CLPB: variants seen among roughly 807,000 people sequenced by gnomAD.
CLPB encodes the protein mitochondrial disaggregase.
In CLPB, 40 loss-of-function variants were observed where a neutral mutation model predicts 78.4. The observed-to-expected ratio is 0.51, with a 90% CI of 0.40 to 0.66. CLPB has a LOEUF of 0.66. Among genes scored for constraint, CLPB ranks in the 30% least tolerant of loss-of-function variants. The pLI, the probability that CLPB is intolerant of heterozygous loss-of-function variation, is 0.00. For synonymous variants in CLPB, 333 were observed against 348.0 expected, an observed-to-expected ratio of 0.96 and a Z score of 0.48; for missense variants, 780 against 886.9, an observed-to-expected ratio of 0.88 and a Z score of 1.53.
At chr11:72,350,291 G>A (rs1950591682) in intron 5 of CLPB, among the ~76,000 whole-genome samples, 1 of 152,048 alleles carries the variant, frequency 6.6e-6, no homozygotes, top group South Asian at 2.1e-4. Context: ...GATCCCTTTG[G>A]ATGACTAATG....
intron 2 of CLPB, among the ~76,000 whole-genome samples, chr11:72,425,816 T>A (rs1292069037): frequency 6.6e-6 from 1 of 152,188 alleles, no homozygotes; most frequent in Non-Finnish European, 1.5e-5. Flanking sequence ...CTTCCCCTTC[T>A]ATTTACAAAG....
At chr11:72,338,380 T>G (rs756691171) in intron 5 of CLPB, among the ~76,000 whole-genome samples, 8 of 152,064 alleles carry the variant, frequency 5.3e-5, no homozygotes, top group Non-Finnish European at 7.4e-5. Flanking sequence ...AAATTAGAGC[T>G]CAAGGTCACA....
chr11:72,391,630 A>G (rs1855256900), intron 3 of CLPB, among the ~76,000 whole-genome samples: 1 of 152,236 alleles, frequency 6.6e-6, no homozygotes, highest in Non-Finnish European at 1.5e-5. Context: ...TGCCCTGCTC[A>G]GCCTTCTCCC....
At chr11:72,326,214 T>C (rs1950131328) in intron 6 of CLPB, among the ~76,000 whole-genome samples, 1 of 152,164 alleles carries the variant, frequency 6.6e-6, no homozygotes, top group Non-Finnish European at 1.5e-5. Flanking sequence ...AAAATATTAA[T>C]AGTGGTTATG....
intron 6 of CLPB, among the ~76,000 whole-genome samples, chr11:72,319,714 T>C (rs1950010274): frequency 6.6e-6 from 1 of 152,190 alleles, no homozygotes; most frequent in Non-Finnish European, 1.5e-5. Context: ...AGATAATGCA[T>C]TAATATATAA....
intron 2 of CLPB, among the ~76,000 whole-genome samples, chr11:72,428,317 C>T: frequency 6.6e-6 from 1 of 152,200 alleles, no homozygotes; most frequent in East Asian, 1.9e-4. Context: ...ATCCTTCACT[C>T]CTCTGCAAGT....
chr11:72,328,268 A>G (rs1364195257), intron 6 of CLPB, among the ~76,000 whole-genome samples: 3 of 152,278 alleles, frequency 2.0e-5, no homozygotes, highest in African/African-American at 7.2e-5. Context: ...GGATGAACAG[A>G]GTCTGCCCCT....
At chr11:72,343,240 A>C (rs1393172477) in intron 5 of CLPB, among the ~76,000 whole-genome samples, 1 of 152,228 alleles carries the variant, frequency 6.6e-6, no homozygotes, top group African/African-American at 2.4e-5. Flanking sequence ...CAAGGAAGAT[A>C]GGAAGCCTTA....
chr11:72,347,690 C>T (rs2135583304), intron 5 of CLPB, among the ~76,000 whole-genome samples: 1 of 152,140 alleles, frequency 6.6e-6, no homozygotes, highest in South Asian at 2.1e-4. Context: ...GAATAACCCC[C>T]CACCCTCACC....
chr11:72,382,375 G>A (rs566238128), intron 3 of CLPB, among the ~76,000 whole-genome samples: 5 of 152,294 alleles, frequency 3.3e-5, no homozygotes, highest in South Asian at 2.1e-4. Flanking sequence ...CTCCAGGCCC[G>A]TCCACCTGGA....
chr11:72,420,907 C>T (rs188045854), intron 2 of CLPB, among the ~76,000 whole-genome samples: 2 of 152,340 alleles, frequency 1.3e-5, no homozygotes, highest in African/African-American at 4.8e-5. Flanking sequence ...CGCCTGTAAT[C>T]CCAGCACTTT....
In CLPB at chr11:72,353,216, T is replaced by C. The variant is rs139190294; in HGVS notation, c.775+5664A>G. On this transcript the variant is annotated intron_variant, in intron 5 of 15. Coordinates refer to ENST00000538039, the MANE Select transcript of CLPB (RefSeq NM_001258392.3). Reference sequence around the variant, plus strand: ...GGGAATTTAAGGACTCATTTGATGATGGCTAGTTAACACTGATAACTCAGT... The same window carrying C: ...GGGAATTTAAGGACTCATTTGATGACGGCTAGTTAACACTGATAACTCAGT... The C allele has an allele frequency of 1.0e-3, 160 of 152,408 alleles. 1 individual carries two copies. The highest frequency in any genetic ancestry group is 3.8e-3 in the African/African-American group (159 of 41,592). 9.4% of individuals were successfully genotyped at this position (152,408 alleles called of 1,614,324 possible). A position where few individuals can be genotyped will look rare whatever the true frequency, so the allele number is the denominator to read the frequency against.
At chr11:72,356,960 C>T (rs888160329) in intron 5 of CLPB, 1 of 152,194 alleles carries the variant, frequency 6.6e-6, no homozygotes, top group African/African-American at 2.4e-5. Flanking sequence ...AAATGTCTTG[C>T]CACAGAGTTT....
chr11:72,397,703 T>A (rs750273668), intron 3 of CLPB, among the ~76,000 whole-genome samples: 43 of 152,220 alleles, frequency 2.8e-4, no homozygotes, highest in African/African-American at 4.1e-4. Flanking sequence ...AGATTTTTTT[T>A]ATTATTGATT....
Position 72,422,276 on chromosome 11 carries a change from A to C in CLPB, c.455+8036T>G, listed in dbSNP as rs184638296. On this transcript the variant is annotated intron_variant, in intron 2 of 15. Transcript: ENST00000538039. ...GCAAGACTCCGTCTCAAAAAAAAAA[A>C]AAAAAAAAAAAAAAACTAGGGAACT... 8.3e-3 allele frequency among the ~76,000 whole-genome samples: 1,253 copies of C among 150,756 alleles called. 6 individuals carry two copies. The highest frequency in any genetic ancestry group is 0.015 in the Non-Finnish European group (1,014 of 67,504).
chr11:72,296,945 G>A (rs533290860), intron 11 of CLPB, among the ~76,000 whole-genome samples: 4 of 152,308 alleles, frequency 2.6e-5, no homozygotes, highest in African/African-American at 9.6e-5. Flanking sequence ...TGAACTATCT[G>A]ACCTCAGAGC....
chr11:72,397,671 A>C (rs60081894), intron 3 of CLPB, among the ~76,000 whole-genome samples: 22,308 of 152,138 alleles, frequency 0.15, 2,511 homozygotes, highest in African/African-American at 0.32. Context: ...CTGCTAAAAT[A>C]TTTTGCCCAT....
intron 3 of CLPB, among the ~76,000 whole-genome samples, chr11:72,381,204 T>C (rs1854901931): frequency 6.6e-6 from 1 of 152,038 alleles, no homozygotes; most frequent in East Asian, 1.9e-4. Context: ...CTCCAGGCGG[T>C]ACACATGGAG....
At chr11:72,405,125 C>T (rs147919967) in intron 2 of CLPB, among the ~76,000 whole-genome samples, 3 of 152,264 alleles carry the variant, frequency 2.0e-5, no homozygotes, top group Admixed American at 6.5e-5. Context: ...TCTGACGGCA[C>T]AAACTTGAAT....
Sources: gnomAD v4.1 joint callset for allele counts (sites outside exome capture counted in the v4.1 genomes callset) on GRCh38, gnomAD v4.1.1 for gene constraint, MANE v1.5 for transcripts, NCBI Gene and HGNC (gene_info 2026-07-23, HGNC 2026-07-21) for gene names.